The following OXNAD1 variants were observed in gnomAD, a reference collection of about 807,000 sequenced individuals.
The protein encoded by OXNAD1 is oxidoreductase NAD-binding domain-containing protein 1.
A neutral mutation model predicts 32.9 loss-of-function variants in OXNAD1; 34 were observed. The observed-to-expected ratio is 1.03, with a 90% confidence interval of 0.79 to 1.38. The LOEUF (loss-of-function observed/expected upper bound fraction) is 1.38, where lower values mean the gene tolerates loss of function less well. Ranked by LOEUF, OXNAD1 falls within the 40% of genes most tolerant of loss-of-function variation. OXNAD1 has a pLI of 0.00. For missense variants in OXNAD1, 407 were observed against 379.4 expected, an observed-to-expected ratio of 1.07 and a Z score of -0.60; for synonymous variants, 134 against 135.2, an observed-to-expected ratio of 0.99 and a Z score of 0.06.
chr3:16,316,934 C>A lies in OXNAD1; in HGVS notation c.*30+13342C>A, dbSNP rs754739774. The A allele has an allele frequency of 7.7e-5, 125 of 1,614,026 alleles. No homozygotes were observed. The highest frequency in any genetic ancestry group is 9.6e-5 in the Non-Finnish European group (113 of 1,180,044). ...AGTGCAAATCCCCACCAGGGCCCTG[C>A]TGTGGCTGGCAGGACCATTCTGCAC... On this transcript the variant is annotated intron_variant, in intron 9 of 9. Coordinates refer to the OXNAD1 transcript ENST00000435829. This position sits in a 1 kb window ranked among gnomAD's most constrained non-coding sequence, Gnocchi z 4.5.
chr3:16,350,463 TTTAAA>T (rs138208557), downstream of OXNAD1, among the ~76,000 whole-genome samples: 2,282 of 151,888 alleles, frequency 0.015, 53 homozygotes, highest in African/African-American at 0.053. Flanking sequence ...ACTTGAAAAT[TTTAAA>T]TGAGCTCAAG....
In OXNAD1 at chr3:16,336,942, C is replaced by A. The variant is rs150085829; in HGVS notation, c.*31-170C>A. Among the ~76,000 whole-genome samples, 143 of 152,328 alleles carry A rather than the reference C, an allele frequency of 9.4e-4. No homozygotes were observed. Among genetic ancestry groups the A allele is most frequent in the Admixed American group, 1.9e-3 (29 of 15,310 alleles). ...GACTTCCCTGTGTCCAGGCCACTTT[C>A]CAACACAGCTCGGCAGCTCCTCCCA... is the stretch of plus-strand genomic sequence containing the variant. On this transcript the variant is annotated intron_variant, in intron 9 of 9. Coordinates refer to the OXNAD1 transcript ENST00000435829. The surrounding 1 kb of genome is among the most constrained non-coding windows in gnomAD (Gnocchi z 6.0).
intron 4 of OXNAD1, among the ~76,000 whole-genome samples, chr3:16,283,361 G>A (rs1440983951): frequency 6.6e-6 from 1 of 152,142 alleles, no homozygotes; most frequent in African/African-American, 2.4e-5. Flanking sequence ...ATGATTTAGG[G>A]AGGGTCAAGC....
chr3:16,307,754 A>G (rs2067665173), downstream of OXNAD1, among the ~76,000 whole-genome samples: 1 of 135,092 alleles, frequency 7.4e-6, no homozygotes, highest in South Asian at 2.6e-4. Context: ...TTTTGAAGTA[A>G]TTTTAGATTT....
downstream of OXNAD1, among the ~76,000 whole-genome samples, chr3:16,307,913 C>T (rs7615129): frequency 0.22 from 32,982 of 151,526 alleles, 4,665 homozygotes; most frequent in African/African-American, 0.41. Flanking sequence ...ACAGTTTGTT[C>T]TGTTTTTTTA....
Position 16,303,184 on chromosome 3 carries a change from C to T in OXNAD1, c.785-224C>T, listed in dbSNP as rs1466688638. On this transcript the variant is annotated intron_variant, in intron 8 of 8. Transcript: ENST00000285083. The surrounding 1 kb of genome is among the most constrained non-coding windows in gnomAD (Gnocchi z 4.8). ...CTGGCCCTTTCTGCAGAGTGCATTA[C>T]GATGAGCTTCCCACTTTGCTTGCTT... Among the ~76,000 whole-genome samples the T allele has an allele frequency of 1.3e-5, 2 of 152,174 alleles. No individual in the cohort carries two copies. Among genetic ancestry groups the T allele is most frequent in the African/African-American group, 4.8e-5 (2 of 41,444 alleles).
At chr3:16,268,150 A>G (rs1284786060) in intron 1 of OXNAD1, among the ~76,000 whole-genome samples, 2 of 152,152 alleles carry the variant, frequency 1.3e-5, no homozygotes, top group East Asian at 3.8e-4. Context: ...TCAAAAAATT[A>G]GTAGGTTTTA....
Position 16,289,748 on chromosome 3 carries a change from T to A in OXNAD1, c.290+3300T>A, listed in dbSNP as rs755583225. On this transcript the variant is annotated intron_variant, in intron 5 of 8. Coordinates refer to ENST00000285083, the MANE Select transcript of OXNAD1 (RefSeq NM_138381.5). The surrounding 1 kb of genome is among the most constrained non-coding windows in gnomAD (Gnocchi z 4.9). ...GCATTGTGTGTCTTTTAAGACTGTT[T>A]AAAGGGCATCTCTTCTGTGAAGTCT... 2.6e-5 allele frequency among the ~76,000 whole-genome samples: 4 copies of A among 152,232 alleles called. No individual in the cohort carries two copies. Among genetic ancestry groups the A allele is most frequent in the Non-Finnish European group, 5.9e-5 (4 of 68,040 alleles).
chr3:16,291,873 A>G (rs112671722), intron 5 of OXNAD1, among the ~76,000 whole-genome samples: 4,835 of 152,254 alleles, frequency 0.032, 111 homozygotes, highest in Middle Eastern at 0.085. Flanking sequence ...AAATGTTCCA[A>G]TTTCTCCAGA....
chr3:16,278,297 C>A (rs2065491850), intron 4 of OXNAD1, among the ~76,000 whole-genome samples: 1 of 152,140 alleles, frequency 6.6e-6, no homozygotes, highest in Non-Finnish European at 1.5e-5. Context: ...TACTAGTTTG[C>A]TTTTAGAAGC....
intron 9 of OXNAD1, among the ~76,000 whole-genome samples, chr3:16,324,486 A>G (rs1412928493): frequency 4.6e-5 from 7 of 151,962 alleles, no homozygotes; most frequent in Admixed American, 3.9e-4. Flanking sequence ...CTCTGCTTCT[A>G]TGACTCAACT....
At chr3:16,293,412 C>T (rs1316426326) in intron 5 of OXNAD1, among the ~76,000 whole-genome samples, 2 of 152,120 alleles carry the variant, frequency 1.3e-5, no homozygotes, top group Non-Finnish European at 2.9e-5. Context: ...GTTCTAATAT[C>T]TTTTTAGTGA....
chr3:16,296,829 T>C (rs1226169253), intron 6 of OXNAD1, among the ~76,000 whole-genome samples: 1 of 152,170 alleles, frequency 6.6e-6, no homozygotes, highest in Non-Finnish European at 1.5e-5. Flanking sequence ...CTAAACCTCA[T>C]ACTTTATATT....
chr3:16,285,420 A>G lies in OXNAD1; in HGVS notation c.184-922A>G, dbSNP rs532524596. Among the ~76,000 whole-genome samples the G allele has an allele frequency of 3.9e-5, 6 of 152,348 alleles. No homozygotes were observed. In the East Asian group the frequency reaches 9.6e-4, roughly 24 times the overall value. ...GGTTAGTTGCTGATTTGCTGCCACA[A>G]GTAAAGATGAACAGACATAGAAGGT... On this transcript the variant is annotated intron_variant, in intron 4 of 8. Coordinates refer to ENST00000285083, the MANE Select transcript of OXNAD1 (RefSeq NM_138381.5).
downstream of OXNAD1, chr3:16,306,096 C>G (rs532529282): frequency 2.6e-5 from 4 of 151,092 alleles, 1 homozygote; most frequent in South Asian, 8.3e-4. Flanking sequence ...GATCCTCTGG[C>G]TCTATGAGTT....
At chr3:16,286,529 A>G in intron 5 of OXNAD1, 81 bp downstream of exon 5, 3 of 1,141,196 alleles carry the variant, frequency 2.6e-6, no homozygotes, top group Non-Finnish European at 3.9e-6. Flanking sequence ...TCTCCTGGAA[A>G]AGGCTAGCCA....
At position 16,294,958 on chromosome 3, in the gene OXNAD1, A is replaced by C. The variant is rs754404718; in HGVS notation, c.393A>C (p.Lys131Asn). Residue 131 changes from lysine to asparagine, a missense_variant, in exon 6 of 9, where the codon AAA becomes AAC. By Grantham distance (94) the Lys-to-Asn change is moderately conservative. Transcript: ENST00000285083. ...EQERVIELAVKYTNHPPALWV... is the reference protein window; with the variant it reads ...EQERVIELAVNYTNHPPALWV... ...AGAGAGTGATAGAATTGGCAGTGAA[A>C]TATACGAACCACCCTCCTGCCCTCT... 24 of 1,613,432 alleles carry C rather than the reference A, an allele frequency of 1.5e-5. No homozygotes were observed. Among genetic ancestry groups the C allele is most frequent in the Non-Finnish European group, 1.8e-5 (21 of 1,179,720 alleles).
chr3:16,324,649 T>TGTGG (rs2069505344), intron 9 of OXNAD1, among the ~76,000 whole-genome samples: 1 of 38,476 alleles, frequency 2.6e-5, no homozygotes, highest in Non-Finnish European at 5.8e-5. Context: ...TATTCCATTG[T>TGTGG]GTGTGTGTGT....
downstream of OXNAD1, among the ~76,000 whole-genome samples, chr3:16,308,653 G>GTGGTGATGACATGTAGATACCTCC (rs2067741724): frequency 6.6e-6 from 1 of 152,186 alleles, no homozygotes; most frequent in African/African-American, 2.4e-5. The surrounding 1 kb of genome is among the most constrained non-coding windows in gnomAD (Gnocchi z 4.4). Flanking sequence ...AGCTAGCAGT[G>GTGGTGATGACATGTAGATACCTCC]TGGTGATGAC....
Sources: gnomAD v4.1 joint callset for allele counts (sites outside exome capture counted in the v4.1 genomes callset) on GRCh38, gnomAD v4.1.1 for gene constraint, Gnocchi (gnomAD v3.1) non-coding constraint, MANE v1.5 for transcripts, NCBI Gene and HGNC (gene_info 2026-07-23, HGNC 2026-07-21) for gene names.